Variants in CAMTA1 observed in about 807,000 individuals in gnomAD.
The protein encoded by CAMTA1 is calmodulin binding transcription activator 1.
In CAMTA1, 27 loss-of-function variants were observed where a neutral mutation model predicts 170.9. That is an observed-to-expected ratio of 0.16 (90% CI 0.12 to 0.22). The LOEUF (loss-of-function observed/expected upper bound fraction) is 0.22. CAMTA1 is among the 10% of genes least tolerant of loss of function. CAMTA1 has a pLI of 1.00. For synonymous variants in CAMTA1, 833 were observed against 891.5 expected (o/e 0.93, Z 1.17); for missense variants, 1,619 against 2,217.2 (o/e 0.73, Z 5.42).
At chr1:7,222,944 G>A (rs1360552663) in intron 4 of CAMTA1, among the ~76,000 whole-genome samples, 1 of 152,254 alleles carries the variant, frequency 6.6e-6, no homozygotes, top group Non-Finnish European at 1.5e-5. Context: ...CCGGCACCCT[G>A]TGTGGCACAG....
chr1:7,415,190 A>G (rs1024712385), intron 5 of CAMTA1, among the ~76,000 whole-genome samples: 2 of 151,790 alleles, frequency 1.3e-5, no homozygotes, highest in African/African-American at 2.4e-5. Context: ...TATGTGGTCA[A>G]TTTTGGAATA....
At chr1:7,484,343 G>A (rs1019548505) in intron 6 of CAMTA1, among the ~76,000 whole-genome samples, 2 of 152,198 alleles carry the variant, frequency 1.3e-5, no homozygotes, top group Admixed American at 6.5e-5. Context: ...TCAGGCCCTG[G>A]GTGTTCACAC....
chr1:7,033,456 T>G lies in CAMTA1; in HGVS notation c.235-57848T>G, dbSNP rs551325416. ...CAGTGTATAATTTCTGGTTTGGTTGTGATTGATTTTTCTTCTTATTATGAA... is the reference window on the plus strand; with the variant it reads ...CAGTGTATAATTTCTGGTTTGGTTGGGATTGATTTTTCTTCTTATTATGAA... On this transcript the variant is annotated intron_variant, in intron 3 of 22. Coordinates refer to ENST00000303635, the MANE Select transcript of CAMTA1 (RefSeq NM_015215.4). Among the ~76,000 whole-genome samples, 3 of 152,294 alleles carry G rather than the reference T, an allele frequency of 2.0e-5. No homozygotes were observed. The East Asian group carries it at 5.8e-4, about 29-fold the overall frequency.
chr1:6,899,410 A>G (rs1676367697), intron 3 of CAMTA1, among the ~76,000 whole-genome samples: 1 of 152,262 alleles, frequency 6.6e-6, no homozygotes, highest in African/African-American at 2.4e-5. Flanking sequence ...TGGGTATACA[A>G]TCAGACCAAA....
chr1:7,000,681 C>T (rs562088119), intron 3 of CAMTA1, among the ~76,000 whole-genome samples: 4 of 152,348 alleles, frequency 2.6e-5, no homozygotes, highest in African/African-American at 9.6e-5. Context: ...TTGTTTACCA[C>T]ATATGTTTCC....
Position 7,597,251 on chromosome 1 carries a change from C to T in CAMTA1, c.511-43149C>T, listed in dbSNP as rs967718598. The stretch of plus-strand genomic sequence containing the variant: ...CTTGACCTCTTTGAGTTTTCATTTC[C>T]CCTGCTTCCAAATGGGAGCAATGCC... On this transcript the variant is annotated intron_variant, in intron 6 of 22. Coordinates refer to ENST00000303635, the MANE Select transcript of CAMTA1 (RefSeq NM_015215.4). Among the ~76,000 whole-genome samples the T allele has an allele frequency of 2.6e-5, 4 of 152,270 alleles. No homozygotes were observed. In the South Asian group the frequency reaches 8.3e-4, roughly 32 times the overall value.
In CAMTA1 at chr1:7,430,224, GTGA is replaced by G. The variant is rs58109253; in HGVS notation, c.439-37594_439-37592del. The stretch of plus-strand genomic sequence containing the variant: ...AACATGGATGATGGTGATTATGGTG[GTGA>G]TGATGATGATGGTGGTGAATCTGCT... On this transcript the variant is annotated intron_variant, in intron 5 of 22. Coordinates refer to ENST00000303635, the MANE Select transcript of CAMTA1 (RefSeq NM_015215.4). Among the ~76,000 whole-genome samples the G allele has an allele frequency of 1.8e-4, 27 of 151,990 alleles. No individual in the cohort carries two copies. The South Asian group carries it at 3.3e-3, about 19-fold the overall frequency.
chr1:7,660,621 T>A (rs1413587102), intron 7 of CAMTA1, among the ~76,000 whole-genome samples: 1 of 152,152 alleles, frequency 6.6e-6, no homozygotes, highest in East Asian at 1.9e-4. Context: ...GCTCTCCTTG[T>A]CCCCCTACCT....
intron 3 of CAMTA1, among the ~76,000 whole-genome samples, chr1:7,003,172 C>T (rs1193489528): frequency 3.3e-5 from 5 of 152,250 alleles, no homozygotes; most frequent in Non-Finnish European, 7.3e-5. Context: ...TGTTTCTAGG[C>T]ATTGCCAATC....
In CAMTA1 at chr1:7,103,602, TACACAACTACACACACGCAC is replaced by T. The variant is rs796210083; in HGVS notation, c.302+12259_302+12278del. Among the ~76,000 whole-genome samples, 45 of 116,974 alleles carry T rather than the reference TACACAACTACACACACGCAC, an allele frequency of 3.8e-4. No individual in the cohort carries two copies. In the East Asian group the frequency reaches 5.3e-3, roughly 14 times the overall value. The allele number at this position is 116,974 out of a possible 152,430, so 76.7% of individuals were successfully genotyped here. On this transcript the variant is annotated intron_variant, in intron 4 of 22. Transcript: ENST00000303635. ...CACACATGTACACACAACACACATG[TACACAACTACACACACGCAC>T]ACACAACTACACACACGCACACACA... is the stretch of plus-strand genomic sequence containing the variant.
chr1:6,926,406 CCTCT>C (rs112410798), intron 3 of CAMTA1, among the ~76,000 whole-genome samples: 4 of 145,010 alleles, frequency 2.8e-5, no homozygotes, highest in Non-Finnish European at 6.1e-5. Flanking sequence ...CTCCCTCCCT[CCTCT>C]CTCTTTTCTT....
At chr1:7,754,599 AG>A (rs1368605074) in intron 21 of CAMTA1, among the ~76,000 whole-genome samples, 1 of 152,258 alleles carries the variant, frequency 6.6e-6, no homozygotes, top group African/African-American at 2.4e-5. Flanking sequence ...AAACTGGTAG[AG>A]GAAAATTTCA....
chr1:6,799,851 C>G (rs1020419805), intron 1 of CAMTA1, among the ~76,000 whole-genome samples: 1 of 152,010 alleles, frequency 6.6e-6, no homozygotes, highest in African/African-American at 2.4e-5. Flanking sequence ...GTAACTGAAA[C>G]CATGGATAAG....
chr1:7,184,056 G>A (rs187940283), intron 4 of CAMTA1, among the ~76,000 whole-genome samples: 60 of 152,324 alleles, frequency 3.9e-4, no homozygotes, highest in Admixed American at 1.4e-3. Context: ...GCCATAAGAA[G>A]AGTGAGATCC....
At chr1:7,584,778 T>A (rs1252141471) in intron 6 of CAMTA1, among the ~76,000 whole-genome samples, 11 of 152,134 alleles carry the variant, frequency 7.2e-5, no homozygotes, top group Admixed American at 6.5e-4. Flanking sequence ...AATCTGGCAG[T>A]GTCTGGAGAT....
Position 7,665,261 on chromosome 1 carries a change from C to A in CAMTA1, c.2652+62C>A, listed in dbSNP as rs549475408. The A allele has an allele frequency of 8.1e-6, 11 of 1,350,664 alleles. No individual in the cohort carries two copies. The African/African-American group carries it at 1.0e-4, about 13-fold the overall frequency. The allele number at this position is 1,350,664 out of a possible 1,614,324, so 83.7% of individuals were successfully genotyped here. Reference sequence around the variant, plus strand: ...CTCCCACCCACCTCGCCAGCCCCTGCGCCACCCTGCAGCTAAGGGATGCCT... The same window carrying A: ...CTCCCACCCACCTCGCCAGCCCCTGAGCCACCCTGCAGCTAAGGGATGCCT... On this transcript the variant is annotated intron_variant, in intron 9 of 22. Coordinates refer to ENST00000303635, the MANE Select transcript of CAMTA1 (RefSeq NM_015215.4). The surrounding 1 kb of genome is among the most constrained non-coding windows in gnomAD (Gnocchi z 4.3).
intron 1 of CAMTA1, among the ~76,000 whole-genome samples, chr1:6,803,877 G>C (rs1644188479): frequency 6.6e-6 from 1 of 152,090 alleles, no homozygotes; most frequent in Admixed American, 6.6e-5. Flanking sequence ...ACCATGCCTA[G>C]CTGATTAAAA....
intron 4 of CAMTA1, among the ~76,000 whole-genome samples, chr1:7,149,826 A>G (rs1646466939): frequency 6.6e-6 from 1 of 152,218 alleles, no homozygotes. Context: ...GATGCCGGGA[A>G]GACGTTGAAG....
rs186629852 is a variant in CAMTA1 at position 7,515,627 on chromosome 1, C to T, written c.510+47726C>T. Among the ~76,000 whole-genome samples the T allele has an allele frequency of 1.2e-4, 18 of 152,236 alleles. No homozygotes were observed. The East Asian group carries it at 3.3e-3, about 28-fold the overall frequency. ...CTTCTCCCTACACCCTATTCCACCC[C>T]CCGGGCAGCTCATCTCGGAGCGAGA... is the stretch of plus-strand genomic sequence containing the variant. On this transcript the variant is annotated intron_variant, in intron 6 of 22. Transcript: ENST00000303635.
Sources: gnomAD v4.1 joint callset for allele counts (sites outside exome capture counted in the v4.1 genomes callset) on GRCh38, gnomAD v4.1.1 for gene constraint, Gnocchi (gnomAD v3.1) non-coding constraint, MANE v1.5 for transcripts, NCBI Gene and HGNC (gene_info 2026-07-23, HGNC 2026-07-21) for gene names.